ZBTB7C: variants seen among roughly 807,000 people sequenced by gnomAD.
ZBTB7C encodes the protein zinc finger and BTB domain containing 7C.
ZBTB7C carries 8 observed loss-of-function variants against 25.7 expected under a neutral mutation model. That is an observed-to-expected ratio of 0.31 (90% CI 0.18 to 0.56). The LOEUF (loss-of-function observed/expected upper bound fraction) is 0.56. ZBTB7C is among the 20% of genes least tolerant of loss of function. The pLI, the probability that ZBTB7C is intolerant of heterozygous loss-of-function variation, is 0.91. For synonymous variants in ZBTB7C, 394 were observed against 369.0 expected, an observed-to-expected ratio of 1.07 and a Z score of -0.78; for missense variants, 824 against 855.2, an observed-to-expected ratio of 0.96 and a Z score of 0.46.
chr18:48,354,370 C>T (rs954291163), intron 1 of ZBTB7C, among the ~76,000 whole-genome samples: 4 of 152,262 alleles, frequency 2.6e-5, no homozygotes, highest in African/African-American at 9.6e-5. Flanking sequence ...TCAACATCAA[C>T]ACAATTAAGG....
intron 2 of ZBTB7C, among the ~76,000 whole-genome samples, chr18:48,288,857 C>T (rs1222663443): frequency 1.3e-5 from 2 of 152,104 alleles, no homozygotes; most frequent in Admixed American, 6.6e-5. Context: ...TATAAACTAC[C>T]TAGTTTATGG....
intron 1 of ZBTB7C, among the ~76,000 whole-genome samples, chr18:48,358,148 C>T (rs187263819): frequency 2.0e-5 from 3 of 152,206 alleles, no homozygotes; most frequent in East Asian, 1.9e-4. Context: ...GTCAGGAGTT[C>T]GAGAACAGCC....
chr18:48,337,858 G>C (rs1050712181), intron 2 of ZBTB7C, among the ~76,000 whole-genome samples: 5 of 152,172 alleles, frequency 3.3e-5, no homozygotes, highest in Non-Finnish European at 7.3e-5. Context: ...AGCTGATGGG[G>C]AATAATGACT....
intron 2 of ZBTB7C, among the ~76,000 whole-genome samples, chr18:48,209,999 C>G (rs1039923361): frequency 1.3e-5 from 2 of 152,134 alleles, no homozygotes; most frequent in Non-Finnish European, 2.9e-5. Flanking sequence ...ATATTTAAAA[C>G]ATGGTCAAAG....
At chr18:48,118,094 C>T (rs952751013) in intron 3 of ZBTB7C, among the ~76,000 whole-genome samples, 3 of 151,572 alleles carry the variant, frequency 2.0e-5, no homozygotes, top group African/African-American at 7.3e-5. Context: ...CAATCTCCAC[C>T]TCCCCGGTTC....
At chr18:48,351,208 C>T (rs72915512) in intron 1 of ZBTB7C, among the ~76,000 whole-genome samples, 16,972 of 152,080 alleles carry the variant, frequency 0.11, 1,090 homozygotes, top group Non-Finnish European at 0.15. Flanking sequence ...AGAGAAGCCA[C>T]GGCTCACACC....
chr18:48,336,508 A>G (rs2046460611), intron 2 of ZBTB7C, among the ~76,000 whole-genome samples: 1 of 152,180 alleles, frequency 6.6e-6, no homozygotes, highest in Non-Finnish European at 1.5e-5. Context: ...AAGCCTCCAG[A>G]GGCCTGACCA....
intron 2 of ZBTB7C, among the ~76,000 whole-genome samples, chr18:48,323,213 TA>T (rs529219720): frequency 6.6e-6 from 1 of 152,010 alleles, no homozygotes; most frequent in Non-Finnish European, 1.5e-5. Flanking sequence ...AATATCAATT[TA>T]AAAAAAAGCC....
chr18:48,278,305 G>C (rs1265937146), intron 2 of ZBTB7C, among the ~76,000 whole-genome samples: 1 of 152,224 alleles, frequency 6.6e-6, no homozygotes, highest in Non-Finnish European at 1.5e-5. Flanking sequence ...CAGAAGGACT[G>C]AGGTTCCCAG....
chr18:48,088,413 T>C (rs2144531937), intron 3 of ZBTB7C: 2 of 152,286 alleles, frequency 1.3e-5, no homozygotes, highest in Middle Eastern at 6.8e-3. Context: ...AGGAGCAGGA[T>C]ATACATTCTA....
At chr18:48,153,950 G>A (rs1271995364) in intron 3 of ZBTB7C, among the ~76,000 whole-genome samples, 1 of 152,198 alleles carries the variant, frequency 6.6e-6, no homozygotes, top group Non-Finnish European at 1.5e-5. Context: ...CTGAGGAAAG[G>A]GTCAGGAAGT....
chr18:48,247,675 T>C (rs1451241745), intron 2 of ZBTB7C, among the ~76,000 whole-genome samples: 1 of 152,226 alleles, frequency 6.6e-6, no homozygotes, highest in Non-Finnish European at 1.5e-5. Flanking sequence ...AAATCTCATC[T>C]TGAATGTAAT....
At chr18:48,261,104 A>G (rs932790609) in intron 2 of ZBTB7C, among the ~76,000 whole-genome samples, 1 of 152,236 alleles carries the variant, frequency 6.6e-6, no homozygotes, top group African/African-American at 2.4e-5. Flanking sequence ...TGTAATGAAG[A>G]GTTCCAGGGG....
intron 3 of ZBTB7C, among the ~76,000 whole-genome samples, chr18:48,108,485 T>G (rs1250105099): frequency 6.6e-6 from 1 of 152,108 alleles, no homozygotes; most frequent in African/African-American, 2.4e-5. Context: ...CAGGCTGGAG[T>G]GCAGTGGCAC....
chr18:48,068,397 C>T (rs1465666000), intron 3 of ZBTB7C, among the ~76,000 whole-genome samples: 1 of 151,996 alleles, frequency 6.6e-6, no homozygotes, highest in African/African-American at 2.4e-5. Context: ...CCTTGGCCTC[C>T]CAAAGTTCTG....
At chr18:48,121,334 TGCTGTCCCA>T (rs2039621766) in intron 3 of ZBTB7C, among the ~76,000 whole-genome samples, 1 of 152,180 alleles carries the variant, frequency 6.6e-6, no homozygotes, top group Non-Finnish European at 1.5e-5. Context: ...AGGGATGGGA[TGCTGTCCCA>T]GCTGCTCTTG....
intron 2 of ZBTB7C, among the ~76,000 whole-genome samples, chr18:48,200,974 C>A (rs1254915253): frequency 6.6e-6 from 1 of 152,190 alleles, no homozygotes; most frequent in Non-Finnish European, 1.5e-5. Context: ...CAGGCACCAC[C>A]CCCTTGGAGC....
chr18:48,280,487 C>T (rs1013043769), intron 2 of ZBTB7C, among the ~76,000 whole-genome samples: 2 of 152,166 alleles, frequency 1.3e-5, no homozygotes, highest in African/African-American at 2.4e-5. Context: ...CCTGGCTTCT[C>T]AAGCCCTACA....
intron 2 of ZBTB7C, among the ~76,000 whole-genome samples, chr18:48,316,390 A>G (rs1012697259): frequency 1.2e-4 from 18 of 152,266 alleles, no homozygotes; most frequent in African/African-American, 4.1e-4. Flanking sequence ...GCAGGCAAAC[A>G]CAGGCTGTGA....
Sources: gnomAD v4.1 joint callset for allele counts (sites outside exome capture counted in the v4.1 genomes callset) on GRCh38, gnomAD v4.1.1 for gene constraint, MANE v1.5 for transcripts, NCBI Gene and HGNC (gene_info 2026-07-23, HGNC 2026-07-21) for gene names.